Variants in C2orf80 observed in about 807,000 individuals in gnomAD.
The protein encoded by C2orf80 is uncharacterized protein C2orf80.
A neutral mutation model predicts 30.2 loss-of-function variants in C2orf80; 28 were observed. The observed-to-expected ratio is 0.93, with a 90% CI of 0.69 to 1.27. The LOEUF (loss-of-function observed/expected upper bound fraction) is 1.27, where lower values mean the gene tolerates loss of function less well. Among genes scored for constraint, C2orf80 ranks in the 50% most tolerant of loss-of-function variants. C2orf80 has a pLI of 0.00. For synonymous variants in C2orf80, 80 were observed against 76.4 expected (o/e 1.05, Z -0.24); for missense variants, 220 against 231.0 (o/e 0.95, Z 0.31).
At chr2:208,182,357 T>C (rs1414670262) in intron 4 of C2orf80, among the ~76,000 whole-genome samples, 1 of 152,234 alleles carries the variant, frequency 6.6e-6, no homozygotes, top group Non-Finnish European at 1.5e-5. Context: ...TAGAACTGAC[T>C]GTTTTAAATC....
chr2:208,167,748 T>G (rs1312150360), intron 8 of C2orf80, among the ~76,000 whole-genome samples: 1 of 151,924 alleles, frequency 6.6e-6, no homozygotes. Flanking sequence ...AGCTAATTTT[T>G]GTATTTTTAG....
chr2:208,188,729 G>A (rs778538371), intron 1 of C2orf80, among the ~76,000 whole-genome samples: 23 of 152,206 alleles, frequency 1.5e-4, no homozygotes, highest in Non-Finnish European at 2.4e-4. Flanking sequence ...GATTACAGGC[G>A]TGAGCCACCG....
intron 1 of C2orf80, among the ~76,000 whole-genome samples, chr2:208,189,241 G>T (rs1696807928): frequency 6.6e-6 from 1 of 152,154 alleles, no homozygotes; most frequent in Non-Finnish European, 1.5e-5. Flanking sequence ...TTCTGAGAAA[G>T]CCCTTTGAGT....
chr2:208,169,985 C>A (rs939229436), intron 8 of C2orf80, among the ~76,000 whole-genome samples: 5 of 152,102 alleles, frequency 3.3e-5, no homozygotes, highest in African/African-American at 1.2e-4. Flanking sequence ...CTGAATAAAT[C>A]CTAAGCCTCA....
chr2:208,178,179 C>A (rs903109233), intron 6 of C2orf80, among the ~76,000 whole-genome samples: 1 of 152,090 alleles, frequency 6.6e-6, no homozygotes, highest in South Asian at 2.1e-4. Context: ...GTTTGCAAAC[C>A]TTCTTGACTG....
intron 6 of C2orf80, among the ~76,000 whole-genome samples, chr2:208,174,998 T>C (rs893502087): frequency 6.6e-6 from 1 of 152,104 alleles, no homozygotes; most frequent in Non-Finnish European, 1.5e-5. Flanking sequence ...GAATAAGACA[T>C]GGTCGGGCGC....
chr2:208,166,202 A>G (rs905404009), intron 8 of C2orf80, among the ~76,000 whole-genome samples: 5 of 152,156 alleles, frequency 3.3e-5, no homozygotes, highest in Non-Finnish European at 7.4e-5. Context: ...CTTAAGAAAT[A>G]CACACAGAGG....
intron 8 of C2orf80, among the ~76,000 whole-genome samples, chr2:208,169,269 T>TTTTGTGTGTGTGTGTG (rs1553595423): frequency 1.4e-5 from 2 of 138,084 alleles, no homozygotes; most frequent in East Asian, 2.2e-4. Flanking sequence ...AAAGTCTAGA[T>TTTTGTGTGTGTGTGTG]TGTGTGTGTG....
At chr2:208,176,882 C>A (rs1278301502) in intron 6 of C2orf80, among the ~76,000 whole-genome samples, 1 of 98,624 alleles carries the variant, frequency 1.0e-5, no homozygotes, top group Non-Finnish European at 2.2e-5. Context: ...CATATGTATA[C>A]ATAGGTGTAT....
chr2:208,171,991 G>T lies in C2orf80; in HGVS notation c.451C>A (p.Gln151Lys). The T allele has an allele frequency of 6.2e-7, 1 of 1,613,174 alleles. No homozygotes were observed. The highest frequency in any genetic ancestry group is 8.5e-7 in the Non-Finnish European group (1 of 1,179,124). The change falls in exon 7 of 9, where the codon CAG becomes AAG. Residue 151 changes from glutamine to lysine, a missense_variant. By Grantham distance (53) the Gln-to-Lys change is moderately conservative. Transcript: ENST00000341287. ...AGGTGAAAGTAACCAGGCTTACTCTGTTTGCGGGCGTATGCTGCTGCTTTG... is the reference window on the plus strand; with the variant it reads ...AGGTGAAAGTAACCAGGCTTACTCTTTTTGCGGGCGTATGCTGCTGCTTTG... ...APKAAAYARKQSVKSRKVTTN... is the reference protein window; with the variant it reads ...APKAAAYARKKSVKSRKVTTN...
intron 8 of C2orf80, among the ~76,000 whole-genome samples, chr2:208,169,649 G>A (rs1696029662): frequency 1.3e-5 from 2 of 149,218 alleles, no homozygotes; most frequent in Admixed American, 1.4e-4. Flanking sequence ...GGAAGTGGAG[G>A]TTGCAGTAAG....
intron 4 of C2orf80, among the ~76,000 whole-genome samples, chr2:208,181,834 T>C (rs1169718557): frequency 6.6e-6 from 1 of 152,012 alleles, no homozygotes; most frequent in African/African-American, 2.4e-5. Flanking sequence ...CCTTCCCCGA[T>C]AATGAAATGG....
chr2:208,179,623 C>A (rs1574369074), intron 6 of C2orf80, among the ~76,000 whole-genome samples: 1 of 152,058 alleles, frequency 6.6e-6, no homozygotes, highest in African/African-American at 2.4e-5. Context: ...AATAGCAGTT[C>A]ATATTTAAAT....
chr2:208,168,173 A>G (rs950679448), intron 8 of C2orf80, among the ~76,000 whole-genome samples: 1 of 152,314 alleles, frequency 6.6e-6, no homozygotes, highest in Non-Finnish European at 1.5e-5. Context: ...TGAGACATAC[A>G]TATATGTATG....
chr2:208,168,343 C>G, intron 8 of C2orf80: 1 of 326,624 alleles, frequency 3.1e-6, no homozygotes. Flanking sequence ...AGTGTGTACA[C>G]TATTAAAATT....
chr2:208,175,493 T>G (rs2105899095), intron 6 of C2orf80, among the ~76,000 whole-genome samples: 1 of 152,278 alleles, frequency 6.6e-6, no homozygotes, highest in South Asian at 2.1e-4. Flanking sequence ...CCCGCGCCTA[T>G]GACTCCTTTC....
intron 6 of C2orf80, among the ~76,000 whole-genome samples, chr2:208,176,946 T>C (rs1559340486): frequency 2.1e-4 from 17 of 80,962 alleles, no homozygotes; most frequent in African/African-American, 6.1e-4. Context: ...CATATCTGTA[T>C]ACATATCTGT....
chr2:208,185,018 C>G lies in C2orf80; in HGVS notation c.56G>C (p.Gly19Ala). 3 of 1,613,330 alleles carry G rather than the reference C, an allele frequency of 1.9e-6. No individual in the cohort carries two copies. Among genetic ancestry groups the G allele is most frequent in the Non-Finnish European group, 1.7e-6 (2 of 1,179,472 alleles). The change falls in exon 3 of 9, where the codon GGC becomes GCC. Residue 19 changes from glycine (G) to alanine (A), a missense_variant. Transcript: ENST00000341287. ...EMKKLLGDYIGIRLRENEFDP... is the reference protein window; with the variant it reads ...EMKKLLGDYIAIRLRENEFDP... ...AAATTCATTTTCCCGAAGTCTGATG[C>G]CAATATAATCTCCCCTTAAAAGCAA... is the stretch of plus-strand genomic sequence containing the variant.
At chr2:208,183,731 C>A (rs879409817) in intron 3 of C2orf80, among the ~76,000 whole-genome samples, 1 of 152,056 alleles carries the variant, frequency 6.6e-6, no homozygotes, top group Admixed American at 6.6e-5. Flanking sequence ...GAGGCAAGGA[C>A]GGAGCGGGCG....
Sources: gnomAD v4.1 joint callset for allele counts (sites outside exome capture counted in the v4.1 genomes callset) on GRCh38, gnomAD v4.1.1 for gene constraint, MANE v1.5 for transcripts, NCBI Gene and HGNC (gene_info 2026-07-23, HGNC 2026-07-21) for gene names.